PAPSS1: variants seen among roughly 807,000 people sequenced by gnomAD.
The protein encoded by PAPSS1 is bifunctional 3'-phosphoadenosine 5'-phosphosulfate synthase 1.
PAPSS1 carries 50 observed loss-of-function variants against 72.0 expected under a neutral mutation model. That is an observed-to-expected ratio of 0.69 (90% confidence interval 0.55 to 0.88). The LOEUF (loss-of-function observed/expected upper bound fraction) is 0.88. Ranked by LOEUF, PAPSS1 falls within the 40% of genes least tolerant of loss-of-function variation. The pLI is 0.00. For missense variants in PAPSS1, 657 were observed against 782.2 expected (o/e 0.84, Z 1.91); for synonymous variants, 261 against 263.6 (o/e 0.99, Z 0.09).
intron 3 of PAPSS1, among the ~76,000 whole-genome samples, chr4:107,690,328 A>T (rs1284658202): frequency 1.3e-5 from 2 of 152,156 alleles, no homozygotes; most frequent in Non-Finnish European, 2.9e-5. Context: ...CCCCAAAAAA[A>T]CAAACTGTCT....
At chr4:107,709,763 C>T (rs903995899) in intron 1 of PAPSS1, among the ~76,000 whole-genome samples, 10 of 152,214 alleles carry the variant, frequency 6.6e-5, no homozygotes, top group African/African-American at 2.4e-4. Flanking sequence ...CCTATGATTA[C>T]ATCCCCAACG....
chr4:107,666,481 A>G (rs1231259286), intron 5 of PAPSS1, among the ~76,000 whole-genome samples: 1 of 152,220 alleles, frequency 6.6e-6, no homozygotes, highest in Non-Finnish European at 1.5e-5. Context: ...CTTTATATGA[A>G]TGACCACTTT....
chr4:107,705,196 T>C (rs1034441260), intron 1 of PAPSS1, among the ~76,000 whole-genome samples: 1 of 152,212 alleles, frequency 6.6e-6, no homozygotes, highest in African/African-American at 2.4e-5. Flanking sequence ...AAGTATTCCC[T>C]CTTTAATTTT....
chr4:107,715,218 T>C (rs1723603036), intron 1 of PAPSS1, among the ~76,000 whole-genome samples: 1 of 152,202 alleles, frequency 6.6e-6, no homozygotes, highest in Admixed American at 6.5e-5. Flanking sequence ...GTTCATTAAA[T>C]TTCAGTTGCC....
chr4:107,718,242 T>C (rs886812139), intron 1 of PAPSS1: 1 of 152,158 alleles, frequency 6.6e-6, no homozygotes, highest in Admixed American at 6.5e-5. Context: ...TCAGAAAATT[T>C]AAAATTCTAG....
intron 1 of PAPSS1, among the ~76,000 whole-genome samples, chr4:107,703,051 T>C (rs183630092): frequency 6.6e-6 from 1 of 152,268 alleles, no homozygotes; most frequent in Admixed American, 6.5e-5. Context: ...AGGTGTGAGG[T>C]GATAGCTCAC....
At chr4:107,671,989 T>C (rs947162695) in intron 5 of PAPSS1, among the ~76,000 whole-genome samples, 3 of 152,064 alleles carry the variant, frequency 2.0e-5, no homozygotes, top group African/African-American at 4.8e-5. Context: ...AAAAAAAAGA[T>C]AGATTCAGTA....
chr4:107,635,491 A>C (rs1390921373), intron 10 of PAPSS1, among the ~76,000 whole-genome samples: 6 of 152,198 alleles, frequency 3.9e-5, no homozygotes, highest in Admixed American at 3.9e-4. Context: ...CCAACATGTC[A>C]ATTCAATGAC....
At chr4:107,693,031 A>C (rs950642430) in intron 3 of PAPSS1, among the ~76,000 whole-genome samples, 1 of 152,140 alleles carries the variant, frequency 6.6e-6, no homozygotes, top group African/African-American at 2.4e-5. Flanking sequence ...AGAATAGCTA[A>C]TGGATGCTGG....
At chr4:107,697,287 TA>T (rs1194677633) in intron 2 of PAPSS1, among the ~76,000 whole-genome samples, 10 of 152,250 alleles carry the variant, frequency 6.6e-5, no homozygotes, top group African/African-American at 2.4e-4. Context: ...TGAGCCCTTT[TA>T]AATCCCTTAC....
intron 5 of PAPSS1, among the ~76,000 whole-genome samples, chr4:107,679,992 C>A (rs564080008): frequency 6.6e-6 from 1 of 151,880 alleles, no homozygotes; most frequent in African/African-American, 2.4e-5. Flanking sequence ...GCTAAGGAAT[C>A]AGCAAACATA....
intron 9 of PAPSS1, among the ~76,000 whole-genome samples, chr4:107,652,189 C>A (rs1726858131): frequency 2.0e-5 from 3 of 152,158 alleles, no homozygotes; most frequent in Admixed American, 1.3e-4. Flanking sequence ...GATTTCTACA[C>A]AGAAAATATA....
intron 2 of PAPSS1, among the ~76,000 whole-genome samples, chr4:107,700,592 G>A (rs2125936518): frequency 6.6e-6 from 1 of 152,344 alleles, no homozygotes; most frequent in Admixed American, 6.5e-5. Context: ...GAATGATGCA[G>A]TCTAACGGAG....
At chr4:107,640,572 AC>A (rs1347275362) in intron 10 of PAPSS1, among the ~76,000 whole-genome samples, 1 of 151,858 alleles carries the variant, frequency 6.6e-6, no homozygotes, top group Non-Finnish European at 1.5e-5. Flanking sequence ...TTTTTTTATT[AC>A]AAAAAAATTC....
chr4:107,666,223 T>C (rs1229595900), intron 5 of PAPSS1, among the ~76,000 whole-genome samples: 1 of 152,130 alleles, frequency 6.6e-6, no homozygotes, highest in Admixed American at 6.6e-5. Context: ...CACTAGTAAA[T>C]CTAGAGTTCC....
chr4:107,627,168 A>C (rs1450662276), intron 11 of PAPSS1, among the ~76,000 whole-genome samples: 5 of 152,242 alleles, frequency 3.3e-5, no homozygotes, highest in Admixed American at 3.3e-4. Context: ...GATCATGCAA[A>C]GAGACCACAG....
intron 3 of PAPSS1, among the ~76,000 whole-genome samples, chr4:107,692,399 G>C (rs1312036097): frequency 6.6e-6 from 1 of 152,082 alleles, no homozygotes; most frequent in Non-Finnish European, 1.5e-5. Flanking sequence ...CAACATCACT[G>C]ATCATTAGAT....
chr4:107,622,452 A>G (rs1336939789), intron 11 of PAPSS1, among the ~76,000 whole-genome samples: 1 of 152,220 alleles, frequency 6.6e-6, no homozygotes, highest in Non-Finnish European at 1.5e-5. Flanking sequence ...ATCAACCACT[A>G]AGAGAAAAAA....
Position 107,656,902 on chromosome 4 carries a change from G to C in PAPSS1, c.889C>G (p.Leu297Val), listed in dbSNP as rs1294282281. 1 of 1,579,744 alleles carries C rather than the reference G, an allele frequency of 6.3e-7. No individual in the cohort carries two copies. Among genetic ancestry groups the C allele is most frequent in the Non-Finnish European group, 8.7e-7 (1 of 1,148,720 alleles). ...TGAATGTAAAATGTCTTACCATCCAGAAGACAATCAAAATGAAGGCACTGC... is the reference window on the plus strand; with the variant it reads ...TGAATGTAAAATGTCTTACCATCCACAAGACAATCAAAATGAAGGCACTGC... ...YLQCLHFDCLLDGGVINLSVP... is the reference protein window; with the variant it reads ...YLQCLHFDCLVDGGVINLSVP... Residue 297 changes from leucine to valine, a missense_variant, in exon 7 of 12, where the codon CTG (leucine) becomes GTG (valine). Leu to Val is a conservative substitution (Grantham distance 32). Around this residue, in one of 7 missense-constraint regions of PAPSS1, gnomAD observed 190 missense variants for 176.7 expected, o/e 1.07. Coordinates refer to ENST00000265174, the MANE Select transcript of PAPSS1 (RefSeq NM_005443.5).
Sources: allele counts gnomAD v4.1 joint callset (sites outside exome capture counted in the v4.1 genomes callset), GRCh38; gene constraint gnomAD v4.1.1; regional missense constraint gnomAD v4.1.1; transcripts MANE v1.5; gene names NCBI Gene and HGNC (gene_info 2026-07-23, HGNC 2026-07-21).